ANXA11: variants seen among roughly 807,000 people sequenced by gnomAD.
The protein encoded by ANXA11 is 56 kDa autoantigen.
In ANXA11, 57 loss-of-function variants were observed where a neutral mutation model predicts 64.7. The ratio of observed to expected loss-of-function variants is 0.88; its 90% CI spans 0.71 to 1.10. ANXA11 has a LOEUF of 1.10. Ranked by LOEUF, ANXA11 falls within the 50% of genes least tolerant of loss-of-function variation. The pLI is 0.00. For synonymous variants in ANXA11, 260 were observed against 265.2 expected (o/e 0.98, Z 0.19); for missense variants, 675 against 670.7 (o/e 1.01, Z -0.07).
intron 13 of ANXA11, among the ~76,000 whole-genome samples, chr10:80,158,759 C>G (rs1240903590): frequency 6.6e-6 from 1 of 152,206 alleles, no homozygotes; most frequent in African/African-American, 2.4e-5. Flanking sequence ...TGACAACTGC[C>G]TGCAGGGATG....
rs146683788 is a variant in ANXA11 at position 80,159,130 on chromosome 10, C to T, written c.1246G>A (p.Gly416Arg). 39 of 1,613,962 alleles carry T rather than the reference C, an allele frequency of 2.4e-5. No homozygotes were observed. The highest frequency in any genetic ancestry group is 6.7e-5 in the Admixed American group (4 of 60,004). The change falls in exon 13 of 16, where the codon GGG (glycine) becomes AGG (arginine). Residue 416 changes from glycine to arginine, a missense_variant. Gly to Arg is a moderately radical substitution (Grantham distance 125). Coordinates refer to ENST00000422982, the MANE Select transcript of ANXA11 (RefSeq NM_145868.2). ...GCCAGCATGCCCTCCTCCAGGTCCC[C>T]GGACATCTCCCGGCAGATGCTCTTC... ...IEKSICREMS[G>R]DLEEGMLAVV...
At chr10:80,158,095 C>G in intron 13 of ANXA11, 70 bp from the exon 14 acceptor site, 1 of 1,450,774 alleles carries the variant, frequency 6.9e-7, no homozygotes, top group Non-Finnish European at 9.7e-7. Flanking sequence ...ATGGAGTCTA[C>G]AAGTGTCCTC....
Position 80,185,552 on chromosome 10 carries a change from G to A in ANXA11, c.-57-9397C>T, listed in dbSNP as rs936609613. Among the ~76,000 whole-genome samples the A allele has an allele frequency of 2.7e-4, 41 of 152,366 alleles. 1 individual carries two copies. Among genetic ancestry groups the A allele is most frequent in the Admixed American group, 2.6e-3 (40 of 15,308 alleles). On this transcript the variant is annotated intron_variant, in intron 1 of 15. Transcript: ENST00000422982. Reference sequence around the variant, plus strand: ...GATAAATCCTGTAACAAAAGTGCCTGCTTAACTCTATCCTCAAATTTCCCA... The same window carrying A: ...GATAAATCCTGTAACAAAAGTGCCTACTTAACTCTATCCTCAAATTTCCCA...
Position 80,166,875 on chromosome 10 carries a change from C to A in ANXA11, c.744+15G>T, listed in dbSNP as rs558065522. On this transcript the variant is annotated intron_variant, in intron 7 of 15. Transcript: ENST00000422982. ...GACACGCCTCACTGTCCCGCGCCCC[C>A]ACCCCGCAGCTCGCCTTGCCGTAAG... 29 of 1,593,018 alleles carry A rather than the reference C, an allele frequency of 1.8e-5. 1 individual carries two copies. The South Asian group carries it at 2.8e-4, about 16-fold the overall frequency.
chr10:80,177,073 C>T (rs552654073), intron 1 of ANXA11, among the ~76,000 whole-genome samples: 12 of 151,346 alleles, frequency 7.9e-5, no homozygotes, highest in South Asian at 4.2e-4. Context: ...TCCACCTCCT[C>T]GGTGCAAGCA....
At chr10:80,188,582 C>T (rs1422793384) in intron 1 of ANXA11, among the ~76,000 whole-genome samples, 1 of 149,444 alleles carries the variant, frequency 6.7e-6, no homozygotes, top group Non-Finnish European at 1.5e-5. Flanking sequence ...AGGCATTAGC[C>T]TGGAGCCAAG....
intron 1 of ANXA11, among the ~76,000 whole-genome samples, chr10:80,203,652 C>G (rs1029022492): frequency 6.6e-6 from 1 of 152,252 alleles, no homozygotes; most frequent in East Asian, 1.9e-4. Context: ...TAAGCCACAC[C>G]GCCACACAAA....
intron 1 of ANXA11, among the ~76,000 whole-genome samples, chr10:80,198,816 C>T (rs1279601069): frequency 6.6e-6 from 1 of 152,076 alleles, no homozygotes; most frequent in Non-Finnish European, 1.5e-5. Context: ...AAACGTAATA[C>T]AGGTGGCGTG....
At chr10:80,173,841 C>A (rs1316292828) in intron 2 of ANXA11, among the ~76,000 whole-genome samples, 2 of 152,240 alleles carry the variant, frequency 1.3e-5, no homozygotes, top group Admixed American at 6.5e-5. Flanking sequence ...CGCTGCAATG[C>A]ATATCAGAAT....
At chr10:80,166,032 A>ACG (rs1554831652) in intron 8 of ANXA11, 52 bp downstream of exon 8, 17 of 964,484 alleles carry the variant, frequency 1.8e-5, no homozygotes, top group African/African-American at 9.3e-5. Flanking sequence ...GCGCGTGCGC[A>ACG]CACACGCGCG....
At position 80,166,931 on chromosome 10, in the gene ANXA11, G is replaced by A. The variant is rs750665318; in HGVS notation, c.703C>T (p.Arg235Trp). 2.5e-6 allele frequency: 4 copies of A among 1,609,084 alleles called. No individual in the cohort carries two copies. Among genetic ancestry groups the A allele is most frequent in the East Asian group, 2.2e-5 (1 of 44,668 alleles). The stretch of plus-strand genomic sequence containing the variant: ...TTGAAGGAAAGTAGGATCTGCTGCC[G>A]CTGCTTGTTGGAGCGACTCCCCAGG... ...DCLGSRSNKQ[R>W]QQILLSFKTA... Residue 235 changes from arginine (R) to tryptophan (W), a missense_variant, in exon 7 of 16, where the codon CGG becomes TGG. By Grantham distance (101) the Arg-to-Trp change is moderately radical. Transcript: ENST00000422982.
At chr10:80,171,148 A>C in intron 3 of ANXA11, 2 of 1,439,282 alleles carry the variant, frequency 1.4e-6, no homozygotes, top group Non-Finnish European at 1.8e-6. Flanking sequence ...AGTTCCCCAA[A>C]CACTCCCAAG....
In ANXA11 at chr10:80,155,464, G is replaced by A; in HGVS notation, c.*389C>T. ...CGCCCTCACCAGAAATGTGTATGCA[G>A]CAAACAGACTTGTATGCCTCTGTCT... On this transcript the variant is annotated 3_prime_UTR_variant, in exon 16 of 16. Coordinates refer to ENST00000422982, the MANE Select transcript of ANXA11 (RefSeq NM_145868.2). 1 of 208,998 alleles carries A rather than the reference G, an allele frequency of 4.8e-6. No homozygotes were observed. The highest frequency in any genetic ancestry group is 9.7e-6 in the Non-Finnish European group (1 of 102,818). The allele number at this position is 208,998 out of a possible 1,614,324, so 12.9% of individuals were successfully genotyped here.
chr10:80,182,046 C>T (rs574472772), intron 1 of ANXA11, among the ~76,000 whole-genome samples: 9 of 152,192 alleles, frequency 5.9e-5, no homozygotes, highest in Admixed American at 1.3e-4. Context: ...AGGTTACACA[C>T]TGTATAATTC....
At position 80,169,137 on chromosome 10, in the gene ANXA11, CTGG is replaced by C; in HGVS notation, c.390_392del (p.Gln131del). The C allele has an allele frequency of 3.2e-6, 5 of 1,551,100 alleles. No homozygotes were observed. The highest frequency in any genetic ancestry group is 4.3e-6 in the Non-Finnish European group (5 of 1,153,952). On this transcript the variant is annotated inframe_deletion, in exon 5 of 16. Coordinates refer to ENST00000422982, the MANE Select transcript of ANXA11 (RefSeq NM_145868.2). ...GCTGCTGTCCGGGGGGTGGCATGGG[CTGG>C]CCCGGCACAGGGGCCCCTGGGTATG...
intron 4 of ANXA11, 135 bp downstream of exon 4, chr10:80,170,665 G>C: frequency 1.8e-6 from 1 of 560,872 alleles, no homozygotes; most frequent in Admixed American, 4.2e-5. Flanking sequence ...CCTGTTCTAA[G>C]GTACAGCTCA....
intron 1 of ANXA11, among the ~76,000 whole-genome samples, chr10:80,178,305 G>C (rs1400198800): frequency 7.9e-5 from 12 of 152,186 alleles, no homozygotes; most frequent in Non-Finnish European, 1.8e-4. Context: ...TGGGGCAAGA[G>C]ACATGCTTCA....
intron 1 of ANXA11, among the ~76,000 whole-genome samples, chr10:80,193,570 G>A (rs893334667): frequency 9.9e-5 from 15 of 151,926 alleles, no homozygotes; most frequent in Middle Eastern, 3.2e-3. Flanking sequence ...TCTGCCAGGC[G>A]CAATGGCTCA....
At chr10:80,171,094 G>T in intron 3 of ANXA11, 179 bp from the exon 4 acceptor site, 3 of 1,511,364 alleles carry the variant, frequency 2.0e-6, no homozygotes, top group Non-Finnish European at 2.6e-6. Context: ...TATCCCACTG[G>T]CAGAGGAGGG....
Sources: gnomAD v4.1 joint callset for allele counts (sites outside exome capture counted in the v4.1 genomes callset) on GRCh38, gnomAD v4.1.1 for gene constraint, MANE v1.5 for transcripts, NCBI Gene and HGNC (gene_info 2026-07-23, HGNC 2026-07-21) for gene names.